Variants in CLNK observed in about 807,000 individuals in gnomAD.
CLNK encodes the protein cytokine-dependent hematopoietic cell linker.
A neutral mutation model predicts 68.6 loss-of-function variants in CLNK; 74 were observed. The observed-to-expected ratio is 1.08, with a 90% CI of 0.89 to 1.31. The LOEUF (loss-of-function observed/expected upper bound fraction) is 1.31, where lower values mean the gene tolerates loss of function less well. Among genes scored for constraint, CLNK ranks in the 50% most tolerant of loss-of-function variants. The pLI, the probability that CLNK is intolerant of heterozygous loss-of-function variation, is 0.00. For missense variants in CLNK, 553 were observed against 515.3 expected (o/e 1.07, Z -0.71); for synonymous variants, 198 against 172.2 (o/e 1.15, Z -1.17).
chr4:10,558,758 C>G (rs1719777040), intron 7 of CLNK, among the ~76,000 whole-genome samples: 1 of 152,098 alleles, frequency 6.6e-6, no homozygotes, highest in Admixed American at 6.5e-5. Flanking sequence ...TCATCTTTAT[C>G]ATAGGAAAAA....
chr4:10,640,911 C>T lies in CLNK; in HGVS notation c.11+26948G>A, dbSNP rs1009585990. The stretch of plus-strand genomic sequence containing the variant: ...GAGCCTGTGTTTCAAGCTTCAGAGG[C>T]AGACCTTTGCTATAGCTAGAAGTGA... On this transcript the variant is annotated intron_variant, in intron 2 of 18. Coordinates refer to ENST00000226951, the MANE Select transcript of CLNK (RefSeq NM_052964.4). Among the ~76,000 whole-genome samples, 24 of 152,364 alleles carry T rather than the reference C, an allele frequency of 1.6e-4. No homozygotes were observed. In the South Asian group the frequency reaches 2.3e-3, roughly 14 times the overall value.
chr4:10,621,025 G>T (rs1444059057), intron 2 of CLNK, among the ~76,000 whole-genome samples: 1 of 152,072 alleles, frequency 6.6e-6, no homozygotes, highest in Non-Finnish European at 1.5e-5. Context: ...CAGGATAATG[G>T]CGTGAACCCG....
At chr4:10,644,468 C>T (rs1213355625) in intron 2 of CLNK, among the ~76,000 whole-genome samples, 1 of 152,132 alleles carries the variant, frequency 6.6e-6, no homozygotes, top group Admixed American at 6.5e-5. Context: ...AAGTGAGACA[C>T]ACTGAGGTTT....
intron 4 of CLNK, among the ~76,000 whole-genome samples, chr4:10,579,217 T>C (rs532369321): frequency 2.5e-4 from 38 of 152,336 alleles, no homozygotes; most frequent in Admixed American, 7.8e-4. Flanking sequence ...CCCTGGCAGG[T>C]TCCAAACTTC....
At chr4:10,680,277 A>AAAC (rs1725044642) in intron 1 of CLNK, among the ~76,000 whole-genome samples, 2 of 150,528 alleles carry the variant, frequency 1.3e-5, no homozygotes, top group East Asian at 3.9e-4. Context: ...ACAATAAACC[A>AAAC]AACACCGCAT....
intron 8 of CLNK, among the ~76,000 whole-genome samples, chr4:10,542,682 G>A (rs6853439): frequency 0.62 from 84,777 of 137,466 alleles, 27,195 homozygotes; most frequent in Non-Finnish European, 0.75. Context: ...GTGTGTGTGT[G>A]TATATATATA....
At chr4:10,607,194 G>A (rs940499477) in intron 2 of CLNK, among the ~76,000 whole-genome samples, 1 of 152,202 alleles carries the variant, frequency 6.6e-6, no homozygotes, top group African/African-American at 2.4e-5. Context: ...TGCTGATGGA[G>A]CTCACAAGAG....
At chr4:10,542,185 G>T in intron 9 of CLNK, 70 bp downstream of exon 9, 2 of 1,190,448 alleles carry the variant, frequency 1.7e-6, no homozygotes, top group Non-Finnish European at 2.4e-6. Flanking sequence ...CTGAGTTTTT[G>T]CATCATCTAT....
At chr4:10,617,669 G>A (rs1722288849) in intron 2 of CLNK, among the ~76,000 whole-genome samples, 1 of 152,114 alleles carries the variant, frequency 6.6e-6, no homozygotes, top group South Asian at 2.1e-4. Flanking sequence ...TGAAGCTTAT[G>A]GTTTGATTTT....
chr4:10,684,902 C>T (rs1311173343), upstream of CLNK: 1 of 152,168 alleles, frequency 6.6e-6, no homozygotes, highest in African/African-American at 2.4e-5. Context: ...GCTGGCAGGA[C>T]TTCCTCTTCT....
chr4:10,691,244 T>C, the CLNK span, among the ~76,000 whole-genome samples: 1 of 152,162 alleles, frequency 6.6e-6, no homozygotes, highest in African/African-American at 2.4e-5. Context: ...TATGGGGGCA[T>C]AATATGTATT....
intron 4 of CLNK, among the ~76,000 whole-genome samples, chr4:10,581,284 A>G (rs896601049): frequency 6.6e-6 from 1 of 152,140 alleles, no homozygotes; most frequent in African/African-American, 2.4e-5. Context: ...ATACGTCCCC[A>G]TTAGTATGTG....
chr4:10,587,514 G>T (rs915855038), intron 3 of CLNK, among the ~76,000 whole-genome samples: 1 of 152,114 alleles, frequency 6.6e-6, no homozygotes, highest in East Asian at 1.9e-4. Context: ...CGCAACACAC[G>T]CCAGGTGTAA....
chr4:10,553,187 A>T (rs1719529190), intron 8 of CLNK, among the ~76,000 whole-genome samples: 1 of 152,198 alleles, frequency 6.6e-6, no homozygotes, highest in South Asian at 2.1e-4. Context: ...TAGGAAATGT[A>T]CTGTGAACCC....
At chr4:10,540,978 G>C (rs1718990791) in intron 10 of CLNK, among the ~76,000 whole-genome samples, 1 of 152,092 alleles carries the variant, frequency 6.6e-6, no homozygotes, top group Non-Finnish European at 1.5e-5. Flanking sequence ...ACTTTGGGAG[G>C]CTGAGGTGGG....
At chr4:10,517,704 T>A (rs762247215) in intron 15 of CLNK, among the ~76,000 whole-genome samples, 1 of 152,242 alleles carries the variant, frequency 6.6e-6, no homozygotes, top group Non-Finnish European at 1.5e-5. Context: ...TTATGAATTT[T>A]TCATGATATT....
At chr4:10,663,903 C>T (rs1171765041) in intron 2 of CLNK, among the ~76,000 whole-genome samples, 1 of 152,136 alleles carries the variant, frequency 6.6e-6, no homozygotes, top group African/African-American at 2.4e-5. Context: ...GCCTTCTTTA[C>T]CATGTGAAGA....
chr4:10,494,983 G>T (rs563024176), intron 18 of CLNK, among the ~76,000 whole-genome samples: 5 of 151,990 alleles, frequency 3.3e-5, no homozygotes, highest in African/African-American at 1.2e-4. Context: ...GAAAAGTAAA[G>T]AAATCTGTTT....
At chr4:10,583,493 G>A (rs1305133297) in intron 4 of CLNK, among the ~76,000 whole-genome samples, 5 of 152,026 alleles carry the variant, frequency 3.3e-5, no homozygotes, top group Admixed American at 6.6e-5. Flanking sequence ...CACCATATTG[G>A]CCAGGCTTGT....
Sources: gnomAD v4.1 joint callset for allele counts (sites outside exome capture counted in the v4.1 genomes callset) on GRCh38, gnomAD v4.1.1 for gene constraint, MANE v1.5 for transcripts, NCBI Gene and HGNC (gene_info 2026-07-23, HGNC 2026-07-21) for gene names.